Variants in ZNF512 observed in about 807,000 individuals in gnomAD.
ZNF512 encodes zinc finger protein 512.
In ZNF512, 25 loss-of-function variants were observed where a neutral mutation model predicts 77.5. That is an observed-to-expected ratio of 0.32 (90% CI 0.23 to 0.45). The LOEUF (loss-of-function observed/expected upper bound fraction) is 0.45, where lower values mean the gene tolerates loss of function less well. Among genes scored for constraint, ZNF512 ranks in the 20% least tolerant of loss-of-function variants. The pLI, the probability that ZNF512 is intolerant of heterozygous loss-of-function variation, is 1.00. For synonymous variants in ZNF512, 246 were observed against 239.9 expected, an observed-to-expected ratio of 1.03 and a Z score of -0.24; for missense variants, 483 against 692.6, an observed-to-expected ratio of 0.70 and a Z score of 3.40.
intron 13 of ZNF512, among the ~76,000 whole-genome samples, chr2:27,618,006 A>G (rs1464250302): frequency 2.1e-5 from 3 of 144,584 alleles, no homozygotes; most frequent in Non-Finnish European, 4.5e-5. Flanking sequence ...TGGAGGGCTC[A>G]CTGCAACCTC....
At chr2:27,586,032 A>G (rs1474501419) in intron 2 of ZNF512, among the ~76,000 whole-genome samples, 1 of 152,208 alleles carries the variant, frequency 6.6e-6, no homozygotes, top group Non-Finnish European at 1.5e-5. Context: ...TTAATCTCCA[A>G]GAGTTAATTA....
intron 10 of ZNF512, 63 bp from the exon 11 acceptor site, chr2:27,615,105 C>A (rs1672829618): frequency 2.0e-6 from 2 of 978,708 alleles, no homozygotes; most frequent in East Asian, 2.5e-5. Flanking sequence ...GGGTGTGAAA[C>A]TTTTGGGATA....
Sources: gnomAD v4.1 joint callset for allele counts (sites outside exome capture counted in the v4.1 genomes callset) on GRCh38, gnomAD v4.1.1 for gene constraint, MANE v1.5 for transcripts, NCBI Gene and HGNC (gene_info 2026-07-23, HGNC 2026-07-21) for gene names.